The following MAPRE2 variants were observed in gnomAD, a reference collection of about 807,000 sequenced individuals.
The protein encoded by MAPRE2 is microtubule associated protein RP/EB family member 2, also known as microtubule-associated protein RP/EB family member 2.
Under a neutral mutation model 43.2 loss-of-function variants are expected in MAPRE2, and 13 were observed. That is an observed-to-expected ratio of 0.30 (90% confidence interval 0.20 to 0.48). The LOEUF (loss-of-function observed/expected upper bound fraction) is 0.48, where lower values mean the gene tolerates loss of function less well. Ranked by LOEUF, MAPRE2 falls within the 20% of genes least tolerant of loss-of-function variation. The probability of loss-of-function intolerance (pLI) is 0.99; values close to 1 mark genes in which losing one functional copy is unlikely to be tolerated. For synonymous variants in MAPRE2, 135 were observed against 148.8 expected, an observed-to-expected ratio of 0.91 and a Z score of 0.68; for missense variants, 161 against 400.2, an observed-to-expected ratio of 0.40 and a Z score of 5.10.
intron 1 of MAPRE2, among the ~76,000 whole-genome samples, chr18:35,068,982 G>A (rs1213364764): frequency 6.6e-6 from 1 of 152,196 alleles, no homozygotes; most frequent in African/African-American, 2.4e-5. Context: ...AGGATTAGGT[G>A]TCAAAGCCCA....
At chr18:35,092,997 AG>A (rs2144156068) in intron 2 of MAPRE2, among the ~76,000 whole-genome samples, 1 of 152,204 alleles carries the variant, frequency 6.6e-6, no homozygotes, top group East Asian at 1.9e-4. Flanking sequence ...AGATCACTTG[AG>A]GTCGGTAGTT....
At chr18:35,069,421 CTTAT>C (rs1051798553) in intron 1 of MAPRE2, among the ~76,000 whole-genome samples, 80 of 151,966 alleles carry the variant, frequency 5.3e-4, no homozygotes, top group African/African-American at 1.8e-3. Flanking sequence ...CACTGAAACA[CTTAT>C]AGGTGAAATT....
rs1020537369 is a variant in MAPRE2, at chr18:35,142,044, G to A, written c.*1675G>A. ...ACACACTGTGCAGAATTAGACAGAT[G>A]TTCCGTGGTGTTTGGTTTCCCTTTC... On this transcript the variant is annotated 3_prime_UTR_variant, in exon 7 of 7. Coordinates refer to ENST00000300249, the MANE Select transcript of MAPRE2 (RefSeq NM_014268.4). 3.9e-5 allele frequency: 6 copies of A among 152,238 alleles called. No individual in the cohort carries two copies. The highest frequency in any genetic ancestry group is 1.4e-4 in the African/African-American group (6 of 41,460). 9.4% of individuals were successfully genotyped at this position (152,238 alleles called of 1,614,324 possible).
chr18:35,118,363 C>A (rs936529920), intron 4 of MAPRE2, among the ~76,000 whole-genome samples: 1 of 152,174 alleles, frequency 6.6e-6, no homozygotes, highest in Non-Finnish European at 1.5e-5. Context: ...TTCTCTTAAG[C>A]CCTCCCCTTG....
At chr18:35,062,294 A>C (rs1410613957) in intron 1 of MAPRE2, among the ~76,000 whole-genome samples, 2 of 152,260 alleles carry the variant, frequency 1.3e-5, no homozygotes, top group African/African-American at 2.4e-5. Flanking sequence ...TGTGGGCATG[A>C]ATGTACAATT....
chr18:35,061,202 A>C (rs1316118848), intron 1 of MAPRE2, among the ~76,000 whole-genome samples: 2 of 152,190 alleles, frequency 1.3e-5, no homozygotes, highest in African/African-American at 4.8e-5. Flanking sequence ...GGCAGCCTGG[A>C]AAAGCCTGCA....
chr18:35,021,125 GA>G (rs1436978980), intron 2 of MAPRE2, among the ~76,000 whole-genome samples: 1 of 152,172 alleles, frequency 6.6e-6, no homozygotes, highest in African/African-American at 2.4e-5. Flanking sequence ...ACTTTAGTGT[GA>G]ATAATGGAGG....
In MAPRE2 at chr18:35,073,293, A is replaced by G. The variant is rs928674978; in HGVS notation, c.250+2971A>G. 4.6e-5 allele frequency among the ~76,000 whole-genome samples: 7 copies of G among 152,070 alleles called. No homozygotes were observed. The East Asian group carries it at 1.2e-3, about 25-fold the overall frequency. The stretch of plus-strand genomic sequence containing the variant: ...GCAGGAAGAAGCTATCTTTCTATTT[A>G]TTTATTTATGAAATTATTTATTTAT... On this transcript the variant is annotated intron_variant, in intron 2 of 6. Coordinates refer to ENST00000300249, the MANE Select transcript of MAPRE2 (RefSeq NM_014268.4).
At chr18:35,065,024 G>T (rs1906763454) in intron 1 of MAPRE2, among the ~76,000 whole-genome samples, 2 of 152,220 alleles carry the variant, frequency 1.3e-5, no homozygotes, top group African/African-American at 4.8e-5. Flanking sequence ...GCTGGGTGTG[G>T]TGGCTCACGC....
intron 1 of MAPRE2, among the ~76,000 whole-genome samples, chr18:35,043,845 T>C (rs1368288745): frequency 6.6e-6 from 1 of 152,180 alleles, no homozygotes; most frequent in Non-Finnish European, 1.5e-5. Context: ...TCAAAGTGGA[T>C]GTCCAGTGTA....
intron 1 of MAPRE2, among the ~76,000 whole-genome samples, chr18:35,064,000 T>TA (rs575347953): frequency 0.06 from 2,042 of 33,826 alleles, 112 homozygotes; most frequent in African/African-American, 0.092. Flanking sequence ...CCTGTCTCTT[T>TA]AAAAAAAAAA....
chr18:35,137,843 G>C (rs1463257154), intron 6 of MAPRE2, among the ~76,000 whole-genome samples: 4 of 152,246 alleles, frequency 2.6e-5, no homozygotes, highest in Non-Finnish European at 5.9e-5. Flanking sequence ...CAGGCAGTGA[G>C]AGAGGCTTCA....
chr18:34,984,494 A>G (rs542042693), intron 1 of MAPRE2: 31 of 151,976 alleles, frequency 2.0e-4, no homozygotes, highest in African/African-American at 6.5e-4. Flanking sequence ...GGTACATAAC[A>G]TCAGCTAAAT....
chr18:35,134,137 T>C (rs1234157801), intron 6 of MAPRE2, among the ~76,000 whole-genome samples: 1 of 152,212 alleles, frequency 6.6e-6, no homozygotes, highest in African/African-American at 2.4e-5. Context: ...GCTCCTATAA[T>C]TCTCTAGAGA....
intron 2 of MAPRE2, among the ~76,000 whole-genome samples, chr18:35,023,468 C>T (rs563607882): frequency 2.6e-4 from 39 of 151,622 alleles, no homozygotes; most frequent in Admixed American, 2.0e-3. Context: ...GCAGAGATTG[C>T]GCCACTGCAC....
intron 2 of MAPRE2, among the ~76,000 whole-genome samples, chr18:35,024,142 T>C (rs949770572): frequency 1.3e-5 from 2 of 152,176 alleles, no homozygotes; most frequent in Admixed American, 6.5e-5. Context: ...CACCTTTCAA[T>C]GATTTGGTTT....
At chr18:35,104,027 G>C (rs771649527) in intron 4 of MAPRE2, among the ~76,000 whole-genome samples, 3 of 152,128 alleles carry the variant, frequency 2.0e-5, no homozygotes, top group Non-Finnish European at 2.9e-5. Context: ...ATTTAAGGGG[G>C]AGGAGGAAGA....
intron 1 of MAPRE2, among the ~76,000 whole-genome samples, chr18:35,053,982 A>G (rs1279223012): frequency 6.6e-6 from 1 of 152,242 alleles, no homozygotes; most frequent in Non-Finnish European, 1.5e-5. Flanking sequence ...GAGGAAAAAT[A>G]AATGTAACAA....
intron 2 of MAPRE2, among the ~76,000 whole-genome samples, chr18:35,021,512 A>G (rs935089324): frequency 6.6e-6 from 1 of 152,156 alleles, no homozygotes; most frequent in African/African-American, 2.4e-5. Flanking sequence ...AATAGAAGAA[A>G]ACGTTTAATA....
Sources: gnomAD v4.1 joint callset for allele counts (sites outside exome capture counted in the v4.1 genomes callset) on GRCh38, gnomAD v4.1.1 for gene constraint, MANE v1.5 for transcripts, NCBI Gene and HGNC (gene_info 2026-07-23, HGNC 2026-07-21) for gene names.